The following MAGI1 variants were observed in gnomAD, a reference collection of about 807,000 sequenced individuals.
The protein encoded by MAGI1 is membrane associated guanylate kinase, WW and PDZ domain containing 1.
In MAGI1, 58 loss-of-function variants were observed where a neutral mutation model predicts 139.9. That is an observed-to-expected ratio of 0.41 (90% CI 0.34 to 0.52). The LOEUF is 0.52. Ranked by LOEUF, MAGI1 falls within the 20% of genes least tolerant of loss-of-function variation. The pLI is 0.12. For missense variants in MAGI1, 1,874 were observed against 1,901.6 expected (o/e 0.99, Z 0.27); for synonymous variants, 812 against 737.9 (o/e 1.10, Z -1.63).
chr3:65,506,942 G>C (rs1297125676), intron 2 of MAGI1, among the ~76,000 whole-genome samples: 1 of 152,210 alleles, frequency 6.6e-6, no homozygotes, highest in Non-Finnish European at 1.5e-5. Context: ...ACATAGGCAT[G>C]ATAGTTCTGA....
At chr3:65,690,149 A>C (rs1207398739) in intron 1 of MAGI1, among the ~76,000 whole-genome samples, 3 of 151,834 alleles carry the variant, frequency 2.0e-5, no homozygotes, top group African/African-American at 7.3e-5. Context: ...TGTTGGAAGG[A>C]TAGGAAATAA....
chr3:66,029,559 T>C (rs2068484940), intron 1 of MAGI1, among the ~76,000 whole-genome samples: 1 of 152,150 alleles, frequency 6.6e-6, no homozygotes, highest in Admixed American at 6.5e-5. Flanking sequence ...CTCAGTCTGT[T>C]TAGGGGTGAG....
In MAGI1 at chr3:65,453,355, C is replaced by T. The variant is rs773409593; in HGVS notation, c.960-15G>A. On this transcript the variant is annotated splice_polypyrimidine_tract_variant and intron_variant, in intron 5 of 22. Coordinates refer to ENST00000402939, the MANE Select transcript of MAGI1 (RefSeq NM_001033057.2). ...TCGTGTTATGGCTGCAATCCAGAAA[C>T]AAAAATAAGAAATTTGTTTGAAAAA... 3 of 625,970 alleles carry T rather than the reference C, an allele frequency of 4.8e-6. No individual in the cohort carries two copies. Among genetic ancestry groups the T allele is most frequent in the African/African-American group, 3.4e-5 (1 of 29,484 alleles). 38.8% of individuals were successfully genotyped at this position (625,970 alleles called of 1,614,324 possible). A position where few individuals can be genotyped will look rare whatever the true frequency, so the allele number is the denominator to read the frequency against.
At chr3:65,598,758 C>T (rs1475589200) in intron 2 of MAGI1, among the ~76,000 whole-genome samples, 3 of 152,106 alleles carry the variant, frequency 2.0e-5, no homozygotes, top group Non-Finnish European at 4.4e-5. Context: ...GCCTCTGGTG[C>T]AGATGGTTGG....
intron 13 of MAGI1, among the ~76,000 whole-genome samples, chr3:65,394,934 G>C (rs1252638237): frequency 6.6e-6 from 1 of 152,116 alleles, no homozygotes; most frequent in Non-Finnish European, 1.5e-5. Flanking sequence ...CATTTTCCTA[G>C]GTGAGACACT....
intron 5 of MAGI1, among the ~76,000 whole-genome samples, chr3:65,459,869 G>GAGCT: frequency 6.6e-6 from 1 of 152,216 alleles, no homozygotes; most frequent in South Asian, 2.1e-4. Flanking sequence ...AGACTGCAGT[G>GAGCT]AGCTGCGTTA....
intron 2 of MAGI1, 127 bp from the exon 3 acceptor site, chr3:65,493,758 T>C (rs2107671280): frequency 9.3e-7 from 1 of 1,069,654 alleles, no homozygotes; most frequent in Non-Finnish European, 1.4e-6. Context: ...GCCTCATCTG[T>C]CCAGACAGGG....
At chr3:65,821,653 C>T (rs2041957582) in intron 1 of MAGI1, among the ~76,000 whole-genome samples, 1 of 152,168 alleles carries the variant, frequency 6.6e-6, no homozygotes, top group African/African-American at 2.4e-5. Flanking sequence ...GCTATTATGA[C>T]AAAGCACAGA....
At chr3:65,581,401 C>G (rs1331000984) in intron 2 of MAGI1, among the ~76,000 whole-genome samples, 1 of 152,156 alleles carries the variant, frequency 6.6e-6, no homozygotes, top group East Asian at 1.9e-4. Flanking sequence ...AAGTTCTCTG[C>G]TCAAAAACCC....
chr3:65,993,878 T>G (rs1396546697), intron 1 of MAGI1, among the ~76,000 whole-genome samples: 1 of 152,156 alleles, frequency 6.6e-6, no homozygotes, highest in Non-Finnish European at 1.5e-5. Flanking sequence ...ACCTCTAGTC[T>G]GTGCTCCCTC....
intron 1 of MAGI1, among the ~76,000 whole-genome samples, chr3:65,688,624 A>G (rs2088286097): frequency 6.6e-6 from 1 of 152,152 alleles, no homozygotes; most frequent in African/African-American, 2.4e-5. Context: ...GTGTCATTCC[A>G]CTGGGTTTTG....
chr3:66,038,440 G>C lies in MAGI1; in HGVS notation c.-132C>G. On this transcript the variant is annotated 5_prime_UTR_variant, in exon 1 of 23. Transcript: ENST00000402939. ...ATCACAAAACAGGAGAGAGAAACTTGGCAGCCTCGCTCCCCTGCACACGCT... is the reference window on the plus strand; with the variant it reads ...ATCACAAAACAGGAGAGAGAAACTTCGCAGCCTCGCTCCCCTGCACACGCT... 7.8e-7 allele frequency: 1 copy of C among 1,280,268 alleles called. No individual in the cohort carries two copies. Among genetic ancestry groups the C allele is most frequent in the Non-Finnish European group, 1.0e-6 (1 of 964,542 alleles). 79.3% of individuals were successfully genotyped at this position (1,280,268 alleles called of 1,614,324 possible).
intron 2 of MAGI1, among the ~76,000 whole-genome samples, chr3:65,591,401 T>A (rs557005849): frequency 2.5e-4 from 38 of 152,298 alleles, no homozygotes; most frequent in Non-Finnish European, 4.9e-4. Flanking sequence ...TCTCAAAATA[T>A]ATATAACCAC....
At position 65,439,861 on chromosome 3, in the gene MAGI1, T is replaced by G. The variant is rs200430216; in HGVS notation, c.1270+18A>C. ...ATGCTCCCCTGATCAAGAAAAAGCC[T>G]AGAGGAAAGAGGCCAACCTTCTGTC... On this transcript the variant is annotated intron_variant, in intron 9 of 22. Coordinates refer to ENST00000402939, the MANE Select transcript of MAGI1 (RefSeq NM_001033057.2). The G allele has an allele frequency of 1.2e-6, 2 of 1,609,348 alleles. No individual in the cohort carries two copies. The highest frequency in any genetic ancestry group is 1.7e-5 in the Admixed American group (1 of 59,888).
intron 1 of MAGI1, among the ~76,000 whole-genome samples, chr3:65,827,699 T>C (rs995476427): frequency 2.0e-5 from 3 of 152,158 alleles, no homozygotes; most frequent in Non-Finnish European, 4.4e-5. Context: ...TCTCCTACAA[T>C]AAAGTCCCAA....
At chr3:65,772,299 T>C (rs138317102) in intron 1 of MAGI1, among the ~76,000 whole-genome samples, 356 of 152,352 alleles carry the variant, frequency 2.3e-3, no homozygotes, top group Non-Finnish European at 3.1e-3. Context: ...AGAGACTTTA[T>C]GAACCTGTGT....
At chr3:65,918,984 A>T (rs2062040251) in intron 1 of MAGI1, among the ~76,000 whole-genome samples, 1 of 152,190 alleles carries the variant, frequency 6.6e-6, no homozygotes, top group African/African-American at 2.4e-5. Context: ...AAAGGGTATA[A>T]AATTGGAATC....
intron 1 of MAGI1, among the ~76,000 whole-genome samples, chr3:65,803,560 T>A (rs1211985685): frequency 6.6e-6 from 1 of 152,208 alleles, no homozygotes; most frequent in Non-Finnish European, 1.5e-5. Flanking sequence ...TTTGTTTTAA[T>A]TTTAGGTTCA....
chr3:65,871,227 A>G (rs899614709), intron 1 of MAGI1, among the ~76,000 whole-genome samples: 1 of 152,104 alleles, frequency 6.6e-6, no homozygotes, highest in Non-Finnish European at 1.5e-5. Flanking sequence ...ATGAGCCCCC[A>G]TGCCCAGCCT....
Sources: allele counts gnomAD v4.1 joint callset (sites outside exome capture counted in the v4.1 genomes callset), GRCh38; gene constraint gnomAD v4.1.1; transcripts MANE v1.5; gene names NCBI Gene and HGNC (gene_info 2026-07-23, HGNC 2026-07-21).